OTOGL: variants seen among roughly 807,000 people sequenced by gnomAD.
OTOGL encodes the protein otogelin like, also known as otogelin-like protein.
OTOGL carries 285 observed loss-of-function variants against 318.5 expected under a neutral mutation model. The observed-to-expected ratio is 0.89, with a 90% CI of 0.81 to 0.99. OTOGL has a LOEUF of 0.99. Ranked by LOEUF, OTOGL falls within the 50% of genes least tolerant of loss-of-function variation. The pLI is 0.00. For synonymous variants in OTOGL, 987 were observed against 936.5 expected (o/e 1.05, Z -0.99); for missense variants, 2,899 against 2,845.6 (o/e 1.02, Z -0.43).
At chr12:80,112,254 G>T (rs1295253532) in intron 1 of OTOGL, among the ~76,000 whole-genome samples, 2 of 152,090 alleles carry the variant, frequency 1.3e-5, no homozygotes, top group Admixed American at 1.3e-4. Context: ...TTGCCTGATT[G>T]CCCTAGCCAG....
intron 18 of OTOGL, among the ~76,000 whole-genome samples, chr12:80,259,437 C>T (rs1162026395): frequency 2.0e-5 from 3 of 151,950 alleles, no homozygotes; most frequent in Admixed American, 2.0e-4. Flanking sequence ...CATAGACATA[C>T]ATGTGCCATG....
chr12:80,107,120 C>G (rs549857741), intron 1 of OTOGL, among the ~76,000 whole-genome samples: 44 of 152,136 alleles, frequency 2.9e-4, no homozygotes, highest in Non-Finnish European at 4.7e-4. Context: ...AACTGACTGG[C>G]CTAGAATGGC....
chr12:80,214,057 C>T (rs757672701), intron 4 of OTOGL, among the ~76,000 whole-genome samples: 1 of 152,200 alleles, frequency 6.6e-6, no homozygotes, highest in Non-Finnish European at 1.5e-5. Flanking sequence ...CTGGGCCTCT[C>T]TCCGTCCTGT....
intron 35 of OTOGL, among the ~76,000 whole-genome samples, chr12:80,328,023 T>C (rs1244725533): frequency 8.1e-6 from 1 of 124,200 alleles, no homozygotes; most frequent in African/African-American, 3.2e-5. Context: ...CAGATTAAAA[T>C]CTCAATAAAT....
intron 1 of OTOGL, among the ~76,000 whole-genome samples, chr12:80,197,142 A>G (rs948446569): frequency 5.3e-5 from 8 of 152,186 alleles, no homozygotes; most frequent in Non-Finnish European, 1.2e-4. Context: ...AAAATTTTAA[A>G]TCTACCTATA....
At chr12:80,372,900 T>C (rs1474535294) in intron 57 of OTOGL, among the ~76,000 whole-genome samples, 2 of 152,094 alleles carry the variant, frequency 1.3e-5, no homozygotes, top group Non-Finnish European at 2.9e-5. Flanking sequence ...TTGGCCAGGT[T>C]GGCCTCAAAC....
At chr12:80,315,313 A>G (rs1307050611) in intron 32 of OTOGL, among the ~76,000 whole-genome samples, 1 of 152,206 alleles carries the variant, frequency 6.6e-6, no homozygotes, top group African/African-American at 2.4e-5. Context: ...ATAAGAACTT[A>G]TTGATACAAT....
At chr12:80,116,114 A>C (rs1200000928) in intron 1 of OTOGL, among the ~76,000 whole-genome samples, 3 of 152,168 alleles carry the variant, frequency 2.0e-5, no homozygotes, top group African/African-American at 7.2e-5. Context: ...AAACTCCTGC[A>C]GCTAGCTCGG....
Position 80,278,997 on chromosome 12 carries a change from TAGAAAGGTAAC to T in OTOGL, c.2790-30_2790-20del. On this transcript the variant is annotated intron_variant, in intron 25 of 58. Coordinates refer to ENST00000547103, the MANE Select transcript of OTOGL (RefSeq NM_001378609.3). ...AAATCACTAGTTAGAGTCGTTTCTT[TAGAAAGGTAAC>T]TTTTGTTATTTTTTAATAGCGTTTG... The T allele has an allele frequency of 5.1e-6, 8 of 1,564,352 alleles. No homozygotes were observed. The highest frequency in any genetic ancestry group is 4.3e-6 in the Non-Finnish European group (5 of 1,154,970).
chr12:80,124,702 C>G (rs907278036), intron 1 of OTOGL, among the ~76,000 whole-genome samples: 18 of 152,144 alleles, frequency 1.2e-4, no homozygotes, highest in Non-Finnish European at 2.1e-4. Flanking sequence ...TTTGTATCCT[C>G]TTTTATTTCC....
chr12:80,252,050 TA>T, intron 12 of OTOGL, 25 bp from the exon 13 acceptor site: 1 of 1,490,576 alleles, frequency 6.7e-7, no homozygotes, highest in Non-Finnish European at 8.9e-7. Flanking sequence ...AAAATTGACT[TA>T]AGCTCCCCTG....
intron 1 of OTOGL, among the ~76,000 whole-genome samples, chr12:80,199,969 C>T (rs1876344945): frequency 6.6e-6 from 1 of 152,180 alleles, no homozygotes. Flanking sequence ...TCTCATTTCC[C>T]ATTACACTTC....
In OTOGL at chr12:80,378,223, T is replaced by A. The variant is rs553118033; in HGVS notation, c.*175T>A. On this transcript the variant is annotated 3_prime_UTR_variant, in exon 59 of 59. Coordinates refer to ENST00000547103, the MANE Select transcript of OTOGL (RefSeq NM_001378609.3). ...AATATATACAGTTTCAATAGCAAAA[T>A]TAAATTTATTGCTTTACTCTATTTT... 7.2e-5 allele frequency: 38 copies of A among 525,708 alleles called. 1 individual carries two copies. Among genetic ancestry groups the A allele is most frequent in the African/African-American group, 6.3e-4 (33 of 52,774 alleles). The allele number at this position is 525,708 out of a possible 1,614,324, so 32.6% of individuals were successfully genotyped here.
At chr12:80,128,043 CAA>C (rs1291589312) in intron 1 of OTOGL, among the ~76,000 whole-genome samples, 2 of 152,186 alleles carry the variant, frequency 1.3e-5, no homozygotes, top group African/African-American at 4.8e-5. Flanking sequence ...ATCAACTTGT[CAA>C]AGTCATTTTC....
At chr12:80,156,573 G>A (rs1183227509) in intron 1 of OTOGL, among the ~76,000 whole-genome samples, 3 of 152,106 alleles carry the variant, frequency 2.0e-5, no homozygotes, top group Admixed American at 1.3e-4. Context: ...AGATAATTGA[G>A]TCATGAGGAG....
intron 48 of OTOGL, 85 bp downstream of exon 48, chr12:80,356,605 A>T: frequency 8.8e-7 from 1 of 1,136,468 alleles, no homozygotes; most frequent in Non-Finnish European, 1.2e-6. Flanking sequence ...TGTGTCTCCA[A>T]GAGAATGATT....
At position 80,380,616 on chromosome 12, in the gene OTOGL, ATGATACTTTTAT is replaced by A. The variant is rs955808502; in HGVS notation, c.*2570_*2581del. ...AGACTGGTAAAAAACCAGAAGTTTA[ATGATACTTTTAT>A]TTTTTAAGGCTCTGGGAAGATAAGC... is the stretch of plus-strand genomic sequence containing the variant. On this transcript the variant is annotated 3_prime_UTR_variant, in exon 59 of 59. Transcript: ENST00000547103. 8.5e-5 allele frequency: 13 copies of A among 152,256 alleles called. No homozygotes were observed. Among genetic ancestry groups the A allele is most frequent in the African/African-American group, 3.1e-4 (13 of 41,586 alleles). 9.4% of individuals were successfully genotyped at this position (152,256 alleles called of 1,614,324 possible).
At chr12:80,122,913 A>ATTTTTTAT (rs1555269327) in intron 1 of OTOGL, among the ~76,000 whole-genome samples, 1 of 149,470 alleles carries the variant, frequency 6.7e-6, no homozygotes, top group African/African-American at 2.5e-5. Flanking sequence ...TTTATTTTTT[A>ATTTTTTAT]TTTTTTCTCC....
In OTOGL at chr12:80,380,781, G is replaced by A. The variant is rs991475765; in HGVS notation, c.*2733G>A. On this transcript the variant is annotated 3_prime_UTR_variant, in exon 59 of 59. Transcript: ENST00000547103. Reference sequence around the variant, plus strand: ...CCTAGAATATATATGCCGTACAAACGCCTGTACAAATACAAAGTGGTATTT... The same window carrying A: ...CCTAGAATATATATGCCGTACAAACACCTGTACAAATACAAAGTGGTATTT... 15 of 152,034 alleles carry A rather than the reference G, an allele frequency of 9.9e-5. No homozygotes were observed. The highest frequency in any genetic ancestry group is 2.2e-4 in the African/African-American group (9 of 41,434). 9.4% of individuals were successfully genotyped at this position (152,034 alleles called of 1,614,324 possible).
Sources: gnomAD v4.1 joint callset for allele counts (sites outside exome capture counted in the v4.1 genomes callset) on GRCh38, gnomAD v4.1.1 for gene constraint, MANE v1.5 for transcripts, NCBI Gene and HGNC (gene_info 2026-07-23, HGNC 2026-07-21) for gene names.